Variants in SV2B observed in about 807,000 individuals in gnomAD.
SV2B encodes synaptic vesicle glycoprotein 2B, also known as solute carrier family 22 member B2.
A neutral mutation model predicts 73.9 loss-of-function variants in SV2B; 41 were observed. That is an observed-to-expected ratio of 0.56 (90% CI 0.43 to 0.72). The LOEUF (loss-of-function observed/expected upper bound fraction) is 0.72, where lower values mean the gene tolerates loss of function less well. SV2B is among the 30% of genes least tolerant of loss of function. The probability of loss-of-function intolerance (pLI) is 0.00; values close to 1 mark genes in which losing one functional copy is unlikely to be tolerated. For missense variants in SV2B, 764 were observed against 857.8 expected (o/e 0.89, Z 1.37); for synonymous variants, 314 against 314.2 (o/e 1.00, Z 0.01).
At chr15:91,279,531 A>G (rs890068819) in intron 9 of SV2B, among the ~76,000 whole-genome samples, 1 of 152,150 alleles carries the variant, frequency 6.6e-6, no homozygotes, top group African/African-American at 2.4e-5. Flanking sequence ...ATCGGAGGAG[A>G]TGATTTATGT....
chr15:91,171,593 A>G (rs1321535093), intron 1 of SV2B, among the ~76,000 whole-genome samples: 1 of 152,174 alleles, frequency 6.6e-6, no homozygotes, highest in Non-Finnish European at 1.5e-5. Flanking sequence ...GTTGGTTGGA[A>G]TGGGTCTCAG....
intron 1 of SV2B, among the ~76,000 whole-genome samples, chr15:91,184,314 A>T (rs1200133338): frequency 6.6e-6 from 1 of 152,172 alleles, no homozygotes; most frequent in Non-Finnish European, 1.5e-5. Flanking sequence ...TGAGATTTTG[A>T]ATTCCGACCT....
intron 1 of SV2B, among the ~76,000 whole-genome samples, chr15:91,151,816 AGAGT>A (rs1232334225): frequency 6.6e-6 from 1 of 152,212 alleles, no homozygotes; most frequent in Non-Finnish European, 1.5e-5. Flanking sequence ...CTTCCAGGCA[AGAGT>A]GAGATGGTTC....
rs1305110978 is a variant in SV2B, at chr15:91,140,238, G to A, written c.-392+39875G>A. On this transcript the variant is annotated intron_variant, in intron 1 of 12. Coordinates refer to ENST00000394232, the MANE Select transcript of SV2B (RefSeq NM_001323032.3). This position sits in a 1 kb window ranked among gnomAD's most constrained non-coding sequence, Gnocchi z 4.4. ...ATTATTTTTCTTCAAAGTAATAGCA[G>A]CTAGGAACAAAGTTACATTTTCTCA... Among the ~76,000 whole-genome samples the A allele has an allele frequency of 6.6e-6, 1 of 152,196 alleles. No homozygotes were observed. The highest frequency in any genetic ancestry group is 2.4e-5 in the African/African-American group (1 of 41,450).
chr15:91,178,623 G>T (rs1208090964), intron 1 of SV2B, among the ~76,000 whole-genome samples: 1 of 152,066 alleles, frequency 6.6e-6, no homozygotes, highest in African/African-American at 2.4e-5. Flanking sequence ...AGTCTTGGGA[G>T]AGTGTGTGTG....
rs1281343819 is a variant in SV2B, at chr15:91,214,506, A to G, written c.-391-11367A>G. On this transcript the variant is annotated intron_variant, in intron 1 of 12. Coordinates refer to ENST00000394232, the MANE Select transcript of SV2B (RefSeq NM_001323032.3). The surrounding 1 kb of genome is among the most constrained non-coding windows in gnomAD (Gnocchi z 4.7). ...AATGCAATGAATAGGAATCCTTATT[A>G]TCCTCATTTCACACATGAAGAAACT... is the stretch of plus-strand genomic sequence containing the variant. Among the ~76,000 whole-genome samples, 1 of 152,242 alleles carries G rather than the reference A, an allele frequency of 6.6e-6. No individual in the cohort carries two copies. The highest frequency in any genetic ancestry group is 6.5e-5 in the Admixed American group (1 of 15,282).
Position 91,261,733 on chromosome 15 carries a change from TATTA to T in SV2B, c.1008+1325_1008+1328del, listed in dbSNP as rs1216631839. ...TCTTTACACCCTTACCATCAGTGGCTATTAGTCTGAATTTTGTTTCTTGCCAGTT... is the reference window on the plus strand; with the variant it reads ...TCTTTACACCCTTACCATCAGTGGCTGTCTGAATTTTGTTTCTTGCCAGTT... On this transcript the variant is annotated intron_variant, in intron 6 of 12. Coordinates refer to ENST00000394232, the MANE Select transcript of SV2B (RefSeq NM_001323032.3). The surrounding 1 kb of genome is among the most constrained non-coding windows in gnomAD (Gnocchi z 4.7). Among the ~76,000 whole-genome samples the T allele has an allele frequency of 6.6e-6, 1 of 152,224 alleles. No individual in the cohort carries two copies. Among genetic ancestry groups the T allele is most frequent in the Non-Finnish European group, 1.5e-5 (1 of 68,032 alleles).
At position 91,105,500 on chromosome 15, in the gene SV2B, A is replaced by C. The variant is rs1192317347; in HGVS notation, c.-392+5137A>C. Among the ~76,000 whole-genome samples the C allele has an allele frequency of 1.3e-5, 2 of 152,174 alleles. No individual in the cohort carries two copies. Among genetic ancestry groups the C allele is most frequent in the Non-Finnish European group, 2.9e-5 (2 of 68,008 alleles). ...AACGAGACAGGGTGAGCGTGGGAGA[A>C]GAGATCAGAGAAGTAGCAGGGAGCC... On this transcript the variant is annotated intron_variant, in intron 1 of 12. Transcript: ENST00000394232. This position sits in a 1 kb window ranked among gnomAD's most constrained non-coding sequence, Gnocchi z 5.5.
In SV2B at chr15:91,300,900, T is replaced by C. The variant is rs1013726678; in HGVS notation, c.*8348T>C. 1 of 152,170 alleles carries C rather than the reference T, an allele frequency of 6.6e-6. No individual in the cohort carries two copies. The highest frequency in any genetic ancestry group is 2.1e-4 in the South Asian group (1 of 4,830). 9.4% of individuals were successfully genotyped at this position (152,170 alleles called of 1,614,324 possible). On this transcript the variant is annotated 3_prime_UTR_variant, in exon 13 of 13. Transcript: ENST00000394232. The stretch of plus-strand genomic sequence containing the variant: ...GAAGCACTCTAAGAACTGTAAAAAA[T>C]ATTTCATAGGTATAGAAGGCATTTG...
chr15:91,102,402 T>G (rs111935490), intron 1 of SV2B: 77 of 152,384 alleles, frequency 5.1e-4, no homozygotes, highest in African/African-American at 1.7e-3. Context: ...AATAGGATTC[T>G]TATAATAATT....
At chr15:91,107,074 T>TTGTG (rs756643602) in intron 1 of SV2B, among the ~76,000 whole-genome samples, 7 of 149,588 alleles carry the variant, frequency 4.7e-5, no homozygotes, top group African/African-American at 1.7e-4. Flanking sequence ...TTGAAAGTGG[T>TTGTG]TGTGTGTGTG....
In SV2B at chr15:91,292,677, G is replaced by A; in HGVS notation, c.*125G>A. On this transcript the variant is annotated 3_prime_UTR_variant, in exon 13 of 13. Coordinates refer to ENST00000394232, the MANE Select transcript of SV2B (RefSeq NM_001323032.3). ...GCACGGGAGGAGAAGTTGACTTTGT[G>A]ACCCCTAGTTTAGGACCCACTTCAG... 8.0e-7 allele frequency: 1 copy of A among 1,246,522 alleles called. No homozygotes were observed. The highest frequency in any genetic ancestry group is 1.1e-6 in the Non-Finnish European group (1 of 923,794). The allele number at this position is 1,246,522 out of a possible 1,614,324, so 77.2% of individuals were successfully genotyped here. A position where few individuals can be genotyped will look rare whatever the true frequency, so the allele number is the denominator to read the frequency against.
At chr15:91,163,987 G>A (rs1032879181) in intron 1 of SV2B, among the ~76,000 whole-genome samples, 1 of 152,158 alleles carries the variant, frequency 6.6e-6, no homozygotes. Flanking sequence ...CACATGGCTA[G>A]CCAGTTTTCC....
At chr15:91,251,004 G>T (rs181461881) in intron 2 of SV2B, among the ~76,000 whole-genome samples, 14 of 152,182 alleles carry the variant, frequency 9.2e-5, no homozygotes, top group Non-Finnish European at 1.8e-4. Flanking sequence ...CAAAGCAGTC[G>T]AGCCAAAAGA....
In SV2B at chr15:91,226,080, CAAATCTG is replaced by C; in HGVS notation, c.-183_-177del. 1 of 626,852 alleles carries C rather than the reference CAAATCTG, an allele frequency of 1.6e-6. No individual in the cohort carries two copies. Among genetic ancestry groups the C allele is most frequent in the Non-Finnish European group, 2.7e-6 (1 of 369,076 alleles). The allele number at this position is 626,852 out of a possible 1,614,324, so 38.8% of individuals were successfully genotyped here. ...AAAGGATATTTAGGTTGTCTTTGCA[CAAATCTG>C]GTTGATTTGAGAGATAAAGGGGGGG... On this transcript the variant is annotated 5_prime_UTR_variant, in exon 2 of 13. Coordinates refer to ENST00000394232, the MANE Select transcript of SV2B (RefSeq NM_001323032.3).
chr15:91,244,685 A>G (rs963715691), intron 2 of SV2B, among the ~76,000 whole-genome samples: 1 of 152,226 alleles, frequency 6.6e-6, no homozygotes, highest in African/African-American at 2.4e-5. Context: ...ATGTTAAAAC[A>G]TTTATCACAT....
At chr15:91,102,854 G>T (rs1283821809) in intron 1 of SV2B, among the ~76,000 whole-genome samples, 1 of 152,128 alleles carries the variant, frequency 6.6e-6, no homozygotes, top group African/African-American at 2.4e-5. Flanking sequence ...TCTGGTAAAT[G>T]ACATTTTACC....
At chr15:91,221,787 G>A (rs2046228357) in intron 1 of SV2B, among the ~76,000 whole-genome samples, 1 of 151,700 alleles carries the variant, frequency 6.6e-6, no homozygotes, top group South Asian at 2.1e-4. Flanking sequence ...TAAAAACCAG[G>A]ACCACATCCC....
rs1295808124 is a variant in SV2B at position 91,292,582 on chromosome 15, G to C, written c.*30G>C. On this transcript the variant is annotated 3_prime_UTR_variant, in exon 13 of 13. Transcript: ENST00000394232. Reference sequence around the variant, plus strand: ...CCTATGGGAAAAGGAAAGGTCGAGAGAATCTTGTCCAGGACACTGAAATGC... The same window carrying C: ...CCTATGGGAAAAGGAAAGGTCGAGACAATCTTGTCCAGGACACTGAAATGC... 6.2e-7 allele frequency: 1 copy of C among 1,600,266 alleles called. No homozygotes were observed. Among genetic ancestry groups the C allele is most frequent in the Non-Finnish European group, 8.5e-7 (1 of 1,174,022 alleles).
Sources: gnomAD v4.1 joint callset for allele counts (sites outside exome capture counted in the v4.1 genomes callset) on GRCh38, gnomAD v4.1.1 for gene constraint, Gnocchi (gnomAD v3.1) non-coding constraint, MANE v1.5 for transcripts, NCBI Gene and HGNC (gene_info 2026-07-23, HGNC 2026-07-21) for gene names.